Variants in DTX2 observed in about 807,000 individuals in gnomAD.
DTX2 encodes probable E3 ubiquitin-protein ligase DTX2.
DTX2 carries 29 observed loss-of-function variants against 55.3 expected under a neutral mutation model. That is an observed-to-expected ratio of 0.52 (90% CI 0.39 to 0.71). DTX2 has a LOEUF of 0.71. Ranked by LOEUF, DTX2 falls within the 30% of genes least tolerant of loss-of-function variation. The pLI is 0.00. For synonymous variants in DTX2, 276 were observed against 340.4 expected, an observed-to-expected ratio of 0.81 and a Z score of 2.08; for missense variants, 537 against 822.5, an observed-to-expected ratio of 0.65 and a Z score of 4.25.
intron 2 of DTX2, among the ~76,000 whole-genome samples, chr7:76,467,828 G>A (rs1177821617): frequency 6.6e-6 from 1 of 151,576 alleles, no homozygotes; most frequent in Non-Finnish European, 1.5e-5. Flanking sequence ...ATCTCACAGG[G>A]CAGAGTCTTG....
Position 76,480,457 on chromosome 7 carries a change from C to G in DTX2, c.-53C>G. The G allele has an allele frequency of 6.6e-7, 1 of 1,509,464 alleles. No homozygotes were observed. The highest frequency in any genetic ancestry group is 2.3e-5 in the East Asian group (1 of 43,798). The allele number at this position is 1,509,464 out of a possible 1,614,324, so 93.5% of individuals were successfully genotyped here. A position where few individuals can be genotyped will look rare whatever the true frequency, so the allele number is the denominator to read the frequency against. On this transcript the variant is annotated 5_prime_UTR_variant, in exon 3 of 11. Transcript: ENST00000430490. Reference sequence around the variant, plus strand: ...GCGCTGGGCAATGACCCCGGGACTCCAGGCCAGAGGGGTCTGAAGCTGTTT... The same window carrying G: ...GCGCTGGGCAATGACCCCGGGACTCGAGGCCAGAGGGGTCTGAAGCTGTTT...
At position 76,503,458 on chromosome 7, in the gene DTX2, C is replaced by T. The variant is rs1811964071; in HGVS notation, c.1422C>T (p.Thr474=). 6.2e-7 allele frequency: 1 copy of T among 1,612,938 alleles called. No individual in the cohort carries two copies. The highest frequency in any genetic ancestry group is 8.5e-7 in the Non-Finnish European group (1 of 1,179,926). ...DGSLQCPSCK[T]IYGEKTGTQP... The stretch of plus-strand genomic sequence containing the variant: ...GTCTGCAGTGTCCCTCCTGCAAAAC[C>T]ATCTATGGAGAGAAGACGGGGACCC... Residue 474 remains threonine (T), a synonymous_variant, in exon 9 of 11, where the codon ACC becomes ACT. Coordinates refer to ENST00000430490, the MANE Select transcript of DTX2 (RefSeq NM_001102594.3).
At chr7:76,499,282 G>C (rs1811367335) in intron 6 of DTX2, among the ~76,000 whole-genome samples, 1 of 106,380 alleles carries the variant, frequency 9.4e-6, no homozygotes, top group Non-Finnish European at 1.9e-5. Flanking sequence ...TCCCGTTTGA[G>C]ATCAGGGAAC....
rs576710616 is a variant in DTX2 at position 76,483,026 on chromosome 7, A to G, written c.787A>G (p.Thr263Ala). ...SGARSAPRLN[T>A]TNAWGAAPPS... ...GGCCCGGTCTGCGCCCAGGCTGAAC[A>G]CCACCAACGCCTGGGGCGCAGCTCC... is the stretch of plus-strand genomic sequence containing the variant. The change falls in exon 4 of 11, where the codon ACC (threonine) becomes GCC (alanine). Residue 263 changes from threonine (T) to alanine (A), a missense_variant. Coordinates refer to ENST00000430490, the MANE Select transcript of DTX2 (RefSeq NM_001102594.3). The G allele has an allele frequency of 1.9e-6, 3 of 1,613,382 alleles. No homozygotes were observed. Among genetic ancestry groups the G allele is most frequent in the Admixed American group, 3.3e-5 (2 of 59,940 alleles).
At chr7:76,467,633 T>C (rs1053126139) in intron 2 of DTX2, among the ~76,000 whole-genome samples, 1 of 128,792 alleles carries the variant, frequency 7.8e-6, no homozygotes, top group African/African-American at 3.0e-5. Context: ...GCGAAATGTA[T>C]TTTTTCCCTA....
At chr7:76,464,264 G>C (rs534254041) in intron 2 of DTX2, among the ~76,000 whole-genome samples, 19 of 146,832 alleles carry the variant, frequency 1.3e-4, no homozygotes, top group African/African-American at 4.5e-4. Context: ...AGGAGTCAGC[G>C]TTTGCAAAGT....
chr7:76,468,120 A>C (rs1458222034), intron 2 of DTX2, among the ~76,000 whole-genome samples: 14 of 152,300 alleles, frequency 9.2e-5, no homozygotes, highest in Non-Finnish European at 1.6e-4. Context: ...TCCCGGATGC[A>C]GAGAATGTTA....
chr7:76,491,804 C>T (rs1487545779), intron 4 of DTX2, among the ~76,000 whole-genome samples: 1 of 114,292 alleles, frequency 8.7e-6, no homozygotes, highest in African/African-American at 3.6e-5. Context: ...CTGCTTCAGC[C>T]TCCCAAGTAC....
chr7:76,482,760 G>A lies in DTX2; in HGVS notation c.521G>A (p.Arg174His), dbSNP rs1474475420. Residue 174 changes from arginine to histidine, a missense_variant, in exon 4 of 11, where the codon CGC becomes CAC. Coordinates refer to ENST00000430490, the MANE Select transcript of DTX2 (RefSeq NM_001102594.3). ...KTSSFCRSVRRQAGPPYPVTT... is the reference protein window; with the variant it reads ...KTSSFCRSVRHQAGPPYPVTT... The stretch of plus-strand genomic sequence containing the variant: ...TCCAGCTTCTGCCGCAGCGTGCGGC[G>A]CCAAGCAGGGCCGCCTTACCCGGTG... 21 of 1,613,818 alleles carry A rather than the reference G, an allele frequency of 1.3e-5. No individual in the cohort carries two copies. The highest frequency in any genetic ancestry group is 1.8e-5 in the Non-Finnish European group (21 of 1,179,814).
intron 4 of DTX2, among the ~76,000 whole-genome samples, chr7:76,488,550 T>C (rs149540302): frequency 0.18 from 11,513 of 63,736 alleles, 1,283 homozygotes; most frequent in African/African-American, 0.3. Flanking sequence ...CCTTCACTTA[T>C]GGAACCTTAG....
rs1266515994 is a variant in DTX2, at chr7:76,475,509, A to ATACTG, written c.-89-4912_-89-4911insTACTG. Among the ~76,000 whole-genome samples the ATACTG allele has an allele frequency of 1.7e-3, 244 of 144,548 alleles. 1 individual carries two copies. The highest frequency in any genetic ancestry group is 5.8e-3 in the African/African-American group (229 of 39,230). The allele number at this position is 144,548 out of a possible 152,430, so 94.8% of individuals were successfully genotyped here. On this transcript the variant is annotated intron_variant, in intron 2 of 10. Transcript: ENST00000430490. ...TGAGACCAACCTGGCCAATGTGGCA[A>ATACTG]AACCACATCTCTACTGAAAATACAA...
In DTX2 at chr7:76,483,124, A is replaced by T; in HGVS notation, c.885A>T (p.Gly295=). ...SHLGPQHLPP[G]SSTSGAVSAS... ...TGGGACCGCAGCACCTGCCCCCAGG[A>T]TCCTCCACCTCCGGTGCAGTCAGGT... is the stretch of plus-strand genomic sequence containing the variant. The change falls in exon 4 of 11, where the codon GGA becomes GGT. Residue 295 remains glycine, a synonymous_variant. Transcript: ENST00000430490. The T allele has an allele frequency of 1.2e-6, 2 of 1,612,034 alleles. No homozygotes were observed. The highest frequency in any genetic ancestry group is 1.1e-5 in the South Asian group (1 of 90,930).
chr7:76,482,842 C>T lies in DTX2; in HGVS notation c.603C>T (p.Cys201=). 1 of 1,613,772 alleles carries T rather than the reference C, an allele frequency of 6.2e-7. No homozygotes were observed. The highest frequency in any genetic ancestry group is 2.2e-5 in the East Asian group (1 of 44,870). ...GCGTCGCCTGCTCTTGCCACCAGTG[C>T]CTCAGTGGCAGCAGAACTGGCCCCG... is the stretch of plus-strand genomic sequence containing the variant. ...HTGVACSCHQ[C]LSGSRTGPVS... The change falls in exon 4 of 11, where the codon TGC becomes TGT. Residue 201 remains cysteine, a synonymous_variant. Transcript: ENST00000430490.
At chr7:76,466,889 C>T (rs1191909797) in intron 2 of DTX2, among the ~76,000 whole-genome samples, 2 of 151,442 alleles carry the variant, frequency 1.3e-5, no homozygotes, top group East Asian at 1.9e-4. Context: ...TGAGGCACCG[C>T]GCCTGGCCTA....
rs17855260 is a variant in DTX2 at position 76,503,581 on chromosome 7, T to A, written c.1545T>A (p.Gly515=). 2 of 1,606,886 alleles carry A rather than the reference T, an allele frequency of 1.2e-6. No homozygotes were observed. Among genetic ancestry groups the A allele is most frequent in the Non-Finnish European group, 1.7e-6 (2 of 1,176,204 alleles). The change falls in exon 9 of 11, where the codon GGT becomes GGA. Residue 515 remains glycine, a synonymous_variant. Transcript: ENST00000430490. The part of the protein sequence containing the change: ...TILIVYSIPH[G]IQGPEHPNPG... ...TCATAGTTTACAGCATTCCCCATGG[T>A]ATCCAGGTGAGGGGCCTTCTTGAGT...
rs758156975 is a variant in DTX2, at chr7:76,505,584, T to C, written c.1852T>C (p.Cys618Arg). 1 of 1,570,412 alleles carries C rather than the reference T, an allele frequency of 6.4e-7. No individual in the cohort carries two copies. The highest frequency in any genetic ancestry group is 1.2e-5 in the South Asian group (1 of 86,278). ...ELAAQGVTEDCLEQQ is the reference protein window; with the variant it reads ...ELAAQGVTEDRLEQQ ...GGCTGCCCAGGGGGTGACCGAGGAC[T>C]GCCTGGAGCAGCAGTGACCTCGCAC... Residue 618 changes from cysteine (C) to arginine (R), a missense_variant, in exon 11 of 11, where the codon TGC becomes CGC. By Grantham distance (180) the Cys-to-Arg change is radical (BLOSUM62 -3). Coordinates refer to ENST00000430490, the MANE Select transcript of DTX2 (RefSeq NM_001102594.3). The surrounding 1 kb of genome is among the most constrained non-coding windows in gnomAD (Gnocchi z 4.4).
At chr7:76,481,207 G>GA (rs1259808075) in intron 3 of DTX2, among the ~76,000 whole-genome samples, 11 of 148,428 alleles carry the variant, frequency 7.4e-5, no homozygotes, top group African/African-American at 2.8e-4. Context: ...TTTTTTTTGA[G>GA]ACGGAGTCTG....
chr7:76,467,097 C>T (rs552755970), intron 2 of DTX2, among the ~76,000 whole-genome samples: 383 of 151,988 alleles, frequency 2.5e-3, no homozygotes, highest in African/African-American at 8.5e-3. Flanking sequence ...GGCAGCTTCA[C>T]TGTGTTGCCC....
intron 2 of DTX2, among the ~76,000 whole-genome samples, chr7:76,468,058 G>C (rs1325858156): frequency 6.6e-6 from 1 of 152,412 alleles, no homozygotes; most frequent in East Asian, 1.9e-4. Flanking sequence ...CTGAGGATCC[G>C]GGGGGAATGG....
Sources: allele counts gnomAD v4.1 joint callset (sites outside exome capture counted in the v4.1 genomes callset), GRCh38; gene constraint gnomAD v4.1.1; non-coding constraint Gnocchi (gnomAD v3.1); transcripts MANE v1.5; gene names NCBI Gene and HGNC (gene_info 2026-07-23, HGNC 2026-07-21).